ZBBX: variants seen among roughly 807,000 people sequenced by gnomAD.
ZBBX encodes the protein zinc finger B-box domain containing, also known as zinc finger B-box domain-containing protein 1.
Under a neutral mutation model 108.5 loss-of-function variants are expected in ZBBX, and 101 were observed. That is an observed-to-expected ratio of 0.93 (90% CI 0.79 to 1.10). ZBBX has a LOEUF of 1.10. Ranked by LOEUF, ZBBX falls within the 50% of genes least tolerant of loss-of-function variation. The probability of loss-of-function intolerance (pLI) is 0.00; values close to 1 mark genes in which losing one functional copy is unlikely to be tolerated. For missense variants in ZBBX, 1,009 were observed against 941.4 expected, an observed-to-expected ratio of 1.07 and a Z score of -0.94; for synonymous variants, 356 against 323.4, an observed-to-expected ratio of 1.10 and a Z score of -1.08.
At chr3:167,187,833 A>G in the ZBBX span, among the ~76,000 whole-genome samples, 2 of 152,214 alleles carry the variant, frequency 1.3e-5, no homozygotes, top group African/African-American at 2.4e-5. Flanking sequence ...ATCAATATTT[A>G]TGAAAACTTA....
At position 167,240,873 on chromosome 3, in the gene ZBBX, C is replaced by T. The variant is rs764314399; in HGVS notation, c.2440G>A (p.Glu814Lys). Residue 814 changes from glutamate to lysine, a missense_variant, in exon 22 of 22, where the codon GAG (glutamate) becomes AAG (lysine). Transcript: ENST00000675490. ...TKIQSLLSLS[E>K]SSTDEEEEDF... ...TCCTCCTCCTCATCTGTACTGCTCT[C>T]AGAAAGTGACAGCAAAGACTGAATT... 1.2e-6 allele frequency: 2 copies of T among 1,613,538 alleles called. No individual in the cohort carries two copies. The highest frequency in any genetic ancestry group is 1.7e-6 in the Non-Finnish European group (2 of 1,179,590).
In ZBBX at chr3:167,317,095, G is replaced by T. The variant is rs750054359; in HGVS notation, c.1104C>A (p.Thr368=). 1 of 1,602,634 alleles carries T rather than the reference G, an allele frequency of 6.2e-7. No individual in the cohort carries two copies. Among genetic ancestry groups the T allele is most frequent in the Non-Finnish European group, 8.5e-7 (1 of 1,172,188 alleles). The change falls in exon 14 of 22, where the codon ACC becomes ACA. Residue 368 remains threonine, a synonymous_variant. Coordinates refer to ENST00000675490, the MANE Select transcript of ZBBX (RefSeq NM_001199201.2). ...ATAAAAGAGCTGTGTGTTGTACTTTGGTCTCCTCACCTAGGAAATAAGATT... is the reference window on the plus strand; with the variant it reads ...ATAAAAGAGCTGTGTGTTGTACTTTTGTCTCCTCACCTAGGAAATAAGATT... ...ENDEDSDGEE[T]KVQHTALLLP... is the part of the protein sequence containing the mutation.
chr3:167,184,274 C>G, the ZBBX span, among the ~76,000 whole-genome samples: 1 of 152,124 alleles, frequency 6.6e-6, no homozygotes, highest in Admixed American at 6.5e-5. Flanking sequence ...CATAACATGG[C>G]TGTTTTCCTT....
In ZBBX at chr3:167,359,984, A is replaced by C. The variant is rs1744245975; in HGVS notation, c.323-5T>G. 1 of 1,513,628 alleles carries C rather than the reference A, an allele frequency of 6.6e-7. No homozygotes were observed. The highest frequency in any genetic ancestry group is 2.3e-5 in the East Asian group (1 of 43,020). 93.8% of individuals were successfully genotyped at this position (1,513,628 alleles called of 1,614,324 possible). A position where few individuals can be genotyped will look rare whatever the true frequency, so the allele number is the denominator to read the frequency against. On this transcript the variant is annotated splice_region_variant and splice_polypyrimidine_tract_variant and intron_variant, in intron 7 of 21. Coordinates refer to ENST00000675490, the MANE Select transcript of ZBBX (RefSeq NM_001199201.2). Reference sequence around the variant, plus strand: ...TAACTGTTGGTTTCACTGGCTCTGCAAGATAAAAAATAATATTACTCCAAT... The same window carrying C: ...TAACTGTTGGTTTCACTGGCTCTGCCAGATAAAAAATAATATTACTCCAAT...
At chr3:167,180,925 G>T in the ZBBX span, among the ~76,000 whole-genome samples, 1 of 152,070 alleles carries the variant, frequency 6.6e-6, no homozygotes, top group Non-Finnish European at 1.5e-5. Flanking sequence ...CCATTTACCT[G>T]ATTTTTTTCT....
chr3:167,287,299 T>C (rs747465602), intron 19 of ZBBX, among the ~76,000 whole-genome samples: 3 of 152,120 alleles, frequency 2.0e-5, no homozygotes, highest in Admixed American at 6.6e-5. Context: ...TTTCTCAAAA[T>C]ATGGTATTCA....
chr3:167,260,014 T>C (rs541196732), intron 20 of ZBBX, among the ~76,000 whole-genome samples: 6 of 152,328 alleles, frequency 3.9e-5, no homozygotes, highest in South Asian at 2.1e-4. Context: ...GCAGTTCTTA[T>C]AGTGGTGGCT....
chr3:167,277,625 C>T (rs1349743004), intron 20 of ZBBX, among the ~76,000 whole-genome samples: 1 of 152,114 alleles, frequency 6.6e-6, no homozygotes, highest in Non-Finnish European at 1.5e-5. Flanking sequence ...TACAAAGAGA[C>T]TTAGACTCCC....
chr3:167,210,365 C>T, the ZBBX span, among the ~76,000 whole-genome samples: 1 of 151,684 alleles, frequency 6.6e-6, no homozygotes, highest in African/African-American at 2.4e-5. Context: ...TCAGAGTAGA[C>T]ATAAGAAAAA....
chr3:167,210,182 C>A, the ZBBX span, among the ~76,000 whole-genome samples: 1 of 151,966 alleles, frequency 6.6e-6, no homozygotes, highest in Non-Finnish European at 1.5e-5. Context: ...AGAATACTAT[C>A]AGATAAATTT....
chr3:167,190,139 T>C, the ZBBX span, among the ~76,000 whole-genome samples: 1 of 152,140 alleles, frequency 6.6e-6, no homozygotes, highest in Non-Finnish European at 1.5e-5. Context: ...TCATGTCTTG[T>C]ATATGCATAT....
intron 20 of ZBBX, among the ~76,000 whole-genome samples, chr3:167,243,291 C>G (rs1029254993): frequency 2.6e-4 from 40 of 152,134 alleles, no homozygotes; most frequent in African/African-American, 9.7e-4. Flanking sequence ...ATTAGAAAGG[C>G]TACAATGCCT....
chr3:167,254,872 A>G (rs983662916), intron 20 of ZBBX, among the ~76,000 whole-genome samples: 4 of 42,554 alleles, frequency 9.4e-5, no homozygotes, highest in African/African-American at 1.9e-4. Flanking sequence ...AGCCTGTCAC[A>G]TGTGTGTGTG....
At chr3:167,188,863 A>G in the ZBBX span, among the ~76,000 whole-genome samples, 1 of 152,178 alleles carries the variant, frequency 6.6e-6, no homozygotes, top group Non-Finnish European at 1.5e-5. Flanking sequence ...GGCATATTAC[A>G]ACAAAGCTGG....
the ZBBX span, among the ~76,000 whole-genome samples, chr3:167,225,353 A>AGTG: frequency 6.6e-6 from 1 of 151,858 alleles, no homozygotes; most frequent in African/African-American, 2.4e-5. Flanking sequence ...TCTTGTCTTC[A>AGTG]CCATCATCAC....
intron 11 of ZBBX, among the ~76,000 whole-genome samples, chr3:167,325,494 C>T (rs1737209667): frequency 6.6e-6 from 1 of 152,160 alleles, no homozygotes; most frequent in African/African-American, 2.4e-5. Flanking sequence ...CCTCCCACAA[C>T]ACGTGGAAAT....
chr3:167,216,999 A>C, the ZBBX span, among the ~76,000 whole-genome samples: 1 of 152,158 alleles, frequency 6.6e-6, no homozygotes, highest in Non-Finnish European at 1.5e-5. Context: ...TTAAATGTAA[A>C]ATCAAAACCT....
intron 6 of ZBBX, among the ~76,000 whole-genome samples, chr3:167,364,640 A>G (rs1438429731): frequency 2.6e-5 from 4 of 152,048 alleles, no homozygotes; most frequent in Non-Finnish European, 4.4e-5. Flanking sequence ...GCACTTAATG[A>G]GATAAGAAAG....
At chr3:167,345,245 T>C (rs1259460435) in intron 9 of ZBBX, among the ~76,000 whole-genome samples, 1 of 151,658 alleles carries the variant, frequency 6.6e-6, no homozygotes, top group Admixed American at 6.6e-5. Flanking sequence ...CAAAAAAGAG[T>C]CCTTCTCACA....
Sources: gnomAD v4.1 joint callset for allele counts (sites outside exome capture counted in the v4.1 genomes callset) on GRCh38, gnomAD v4.1.1 for gene constraint, MANE v1.5 for transcripts, NCBI Gene and HGNC (gene_info 2026-07-23, HGNC 2026-07-21) for gene names.